Variants in MDN1 observed in about 807,000 individuals in gnomAD.
MDN1 encodes the protein midasin AAA ATPase 1, also known as midasin.
In MDN1, 266 loss-of-function variants were observed where a neutral mutation model predicts 669.2. The ratio of observed to expected loss-of-function variants is 0.40; its 90% CI spans 0.36 to 0.44. MDN1 has a LOEUF of 0.44. MDN1 is among the 20% of genes least tolerant of loss of function. The pLI is 1.00. For missense variants in MDN1, 5,940 were observed against 6,754.0 expected, an observed-to-expected ratio of 0.88 and a Z score of 4.22; for synonymous variants, 2,385 against 2,457.1, an observed-to-expected ratio of 0.97 and a Z score of 0.87.
chr6:89,755,723 C>G (rs533753822), intron 20 of MDN1, among the ~76,000 whole-genome samples: 1 of 152,074 alleles, frequency 6.6e-6, no homozygotes, highest in Non-Finnish European at 1.5e-5. Flanking sequence ...CTCATAGAAC[C>G]AATACTAGAA....
intron 2 of MDN1, among the ~76,000 whole-genome samples, chr6:89,795,469 G>A (rs1727444196): frequency 6.6e-6 from 1 of 152,000 alleles, no homozygotes; most frequent in African/African-American, 2.4e-5. Flanking sequence ...GGGGTATGGT[G>A]GAGCCTGAAG....
chr6:89,762,482 T>C lies in MDN1; in HGVS notation c.2193A>G (p.Ala731=), dbSNP rs115554135. Reference sequence around the variant, plus strand: ...ATGTCTGAGCAAAGAGTTCCTCAAATGCCTCCCGTAAGGGTAGCCAAATAA... The same window carrying C: ...ATGTCTGAGCAAAGAGTTCCTCAAACGCCTCCCGTAAGGGTAGCCAAATAA... ...HKLIWLPLRE[A]FEELFAQTFS... The change falls in exon 16 of 102, where the codon GCA becomes GCG. Residue 731 remains alanine, a synonymous_variant. Transcript: ENST00000369393. The C allele has an allele frequency of 2.5e-6, 4 of 1,614,134 alleles. No individual in the cohort carries two copies. In the African/African-American group the frequency reaches 5.3e-5, roughly 22 times the overall value.
At chr6:89,680,538 C>A (rs762785657) in intron 74 of MDN1, 51 bp downstream of exon 74, 11 of 1,593,558 alleles carry the variant, frequency 6.9e-6, no homozygotes, top group Non-Finnish European at 9.4e-6. Context: ...CCCTCCTGCG[C>A]CACTGGGGAA....
chr6:89,681,259 C>T (rs147515725), intron 73 of MDN1, among the ~76,000 whole-genome samples: 5 of 152,234 alleles, frequency 3.3e-5, no homozygotes, highest in Admixed American at 1.3e-4. Flanking sequence ...CTGCAACCTC[C>T]GCCTCCCAGA....
At chr6:89,781,325 T>A in intron 10 of MDN1, 74 bp downstream of exon 10, 1 of 1,472,924 alleles carries the variant, frequency 6.8e-7, no homozygotes, top group African/African-American at 1.4e-5. Context: ...CACTCCAGCC[T>A]GGGTAACAGA....
In MDN1 at chr6:89,719,205, A is replaced by G. The variant is rs1814642146; in HGVS notation, c.5988T>C (p.Asp1996=). Residue 1996 remains aspartate, a synonymous_variant, in exon 41 of 102, where the codon GAT becomes GAC. Coordinates refer to ENST00000369393, the MANE Select transcript of MDN1 (RefSeq NM_014611.3). ...DKKKVIAVFK[D]VFGSNSNPYM... is the part of the protein sequence containing the mutation. ...ATGGGTTGGAATTTGAACCAAACAC[A>G]TCCTTGAATACAGCAATGACCTAAA... 5.0e-6 allele frequency: 8 copies of G among 1,613,350 alleles called. No homozygotes were observed. The highest frequency in any genetic ancestry group is 6.8e-6 in the Non-Finnish European group (8 of 1,179,402).
At chr6:89,733,134 T>G (rs1055600801) in intron 33 of MDN1, among the ~76,000 whole-genome samples, 4 of 152,216 alleles carry the variant, frequency 2.6e-5, no homozygotes, top group African/African-American at 4.8e-5. Flanking sequence ...TTTTGTTATA[T>G]CTTATAATTT....
intron 37 of MDN1, among the ~76,000 whole-genome samples, chr6:89,726,482 G>GAAAAAAAAAAAAAAAAAAA (rs201576721): frequency 1.1e-5 from 1 of 90,946 alleles, no homozygotes; most frequent in Non-Finnish European, 2.3e-5. Context: ...AAGAAAAATA[G>GAAAAAAAAAAAAAAAAAAA]AAAAAAAAAA....
Position 89,776,674 on chromosome 6 carries a change from T to C in MDN1, c.1747A>G (p.Met583Val), listed in dbSNP as rs770628358. 8.1e-6 allele frequency: 13 copies of C among 1,612,166 alleles called. No individual in the cohort carries two copies. Among genetic ancestry groups the C allele is most frequent in the African/African-American group, 1.3e-5 (1 of 74,848 alleles). Residue 583 changes from methionine (M) to valine (V), a missense_variant, in exon 12 of 102, where the codon ATG becomes GTG. By Grantham distance (21) the Met-to-Val change is conservative. Around this residue, in one of 5 missense-constraint regions of MDN1, gnomAD observed 1,203 missense variants for 1,268.9 expected, o/e 0.95. Coordinates refer to ENST00000369393, the MANE Select transcript of MDN1 (RefSeq NM_014611.3). ...AGTTTGCTTGTATGCTCAGAAAGCA[T>C]TGCTGTGAAACAGTCTAGAGCCTAT... is the stretch of plus-strand genomic sequence containing the variant. ...FQEALDCFTAMLSEHTSKLKM... is the reference protein window; with the variant it reads ...FQEALDCFTAVLSEHTSKLKM...
chr6:89,789,886 G>A lies in MDN1; in HGVS notation c.1124C>T (p.Thr375Ile). ...CCACACAAACTCTCCAGGAACATCT[G>A]TGCAGCGATACATCCCCAAAAGCAT... ...SKMLLGMYRC[T>I]DVPGEFVWQP... The change falls in exon 7 of 102, where the codon ACA (threonine) becomes ATA (isoleucine). Residue 375 changes from threonine to isoleucine, a missense_variant. Thr to Ile is a moderately conservative substitution (Grantham distance 89, BLOSUM62 -1). Around this residue, in one of 5 missense-constraint regions of MDN1, gnomAD observed 1,203 missense variants for 1,268.9 expected, o/e 0.95. Transcript: ENST00000369393. 4 of 1,612,632 alleles carry A rather than the reference G, an allele frequency of 2.5e-6. No individual in the cohort carries two copies. The highest frequency in any genetic ancestry group is 2.5e-6 in the Non-Finnish European group (3 of 1,179,688).
In MDN1 at chr6:89,686,974, A is replaced by G. The variant is rs1181350302; in HGVS notation, c.11500T>C (p.Ser3834Pro). ...DNTMKRHTEKSTKHWFSIYQM... is the reference protein window; with the variant it reads ...DNTMKRHTEKPTKHWFSIYQM... Reference sequence around the variant, plus strand: ...TAGATGGAGAACCAGTGCTTGGTGGATTTCTCGGTGTGGCGCTTCATAGTA... The same window carrying G: ...TAGATGGAGAACCAGTGCTTGGTGGGTTTCTCGGTGTGGCGCTTCATAGTA... Residue 3834 changes from serine (S) to proline (P), a missense_variant, in exon 69 of 102, where the codon TCC (serine) becomes CCC (proline). This residue lies in a region of MDN1 where 2,280 missense variants were observed against 2,576.3 expected (regional missense o/e 0.88). Coordinates refer to ENST00000369393, the MANE Select transcript of MDN1 (RefSeq NM_014611.3). 1 of 1,613,964 alleles carries G rather than the reference A, an allele frequency of 6.2e-7. No homozygotes were observed. The highest frequency in any genetic ancestry group is 2.2e-5 in the East Asian group (1 of 44,876).
intron 13 of MDN1, among the ~76,000 whole-genome samples, chr6:89,773,010 T>C (rs954752887): frequency 6.6e-6 from 1 of 152,238 alleles, no homozygotes; most frequent in Non-Finnish European, 1.5e-5. Flanking sequence ...AATTACTTAA[T>C]GTGTCTTAGC....
intron 15 of MDN1, among the ~76,000 whole-genome samples, chr6:89,770,913 C>T (rs776256849): frequency 5.9e-5 from 9 of 151,916 alleles, no homozygotes; most frequent in Non-Finnish European, 1.3e-4. Flanking sequence ...ACAAGGGCCT[C>T]AAGTGTTCAT....
chr6:89,780,368 T>G, intron 10 of MDN1, 75 bp from the exon 11 acceptor site: 1 of 889,468 alleles, frequency 1.1e-6, no homozygotes, highest in Non-Finnish European at 1.7e-6. Context: ...TCAGAATTTA[T>G]TGACCCACTT....
Position 89,672,657 on chromosome 6 carries a change from T to C in MDN1, c.13520A>G (p.Gln4507Arg), listed in dbSNP as rs530751896. The C allele has an allele frequency of 3.1e-6, 5 of 1,614,184 alleles. No individual in the cohort carries two copies. In the African/African-American group the frequency reaches 4.0e-5, roughly 13 times the overall value. ...GATGGCTCGGATGGCAATTTCCATT[T>C]GCTCTGAAAAATCTTCCACAAATCC... ...DEGFVEDFSE[Q>R]MEIAIRAILC... The change falls in exon 81 of 102, where the codon CAA becomes CGA. Residue 4507 changes from glutamine (Q) to arginine (R), a missense_variant. This residue lies in a region of MDN1 where 2,280 missense variants were observed against 2,576.3 expected (regional missense o/e 0.88). Coordinates refer to ENST00000369393, the MANE Select transcript of MDN1 (RefSeq NM_014611.3).
At chr6:89,750,574 A>C (rs1816886573) in intron 23 of MDN1, 42 bp from the exon 24 acceptor site, 2 of 1,554,226 alleles carry the variant, frequency 1.3e-6, no homozygotes, top group Admixed American at 1.8e-5. Context: ...AACAACAAAA[A>C]ATTACAAAGC....
At chr6:89,687,295 C>T in intron 68 of MDN1, 49 bp downstream of exon 68, 2 of 1,526,090 alleles carry the variant, frequency 1.3e-6, no homozygotes, top group Non-Finnish European at 1.8e-6. Context: ...TACCAAAAGA[C>T]AAAAGCCCTT....
intron 4 of MDN1, 41 bp from the exon 5 acceptor site, chr6:89,793,995 G>C: frequency 6.5e-7 from 1 of 1,531,784 alleles, no homozygotes; most frequent in Non-Finnish European, 9.0e-7. Context: ...TTACCACTCA[G>C]AAATGCTATC....
intron 85 of MDN1, among the ~76,000 whole-genome samples, chr6:89,663,982 GA>G (rs1810004348): frequency 6.6e-6 from 1 of 151,404 alleles, no homozygotes; most frequent in African/African-American, 2.4e-5. Context: ...GCAGACTACA[GA>G]ACGGTATATG....
Sources: allele counts gnomAD v4.1 joint callset (sites outside exome capture counted in the v4.1 genomes callset), GRCh38; gene constraint gnomAD v4.1.1; regional missense constraint gnomAD v4.1.1; transcripts MANE v1.5; gene names NCBI Gene and HGNC (gene_info 2026-07-23, HGNC 2026-07-21).